Variants in ADCY2 observed in about 807,000 individuals in gnomAD.
ADCY2 encodes the protein adenylate cyclase 2, also known as adenylate cyclase type 2.
A neutral mutation model predicts 125.2 loss-of-function variants in ADCY2; 31 were observed. The ratio of observed to expected loss-of-function variants is 0.25; its 90% CI spans 0.19 to 0.33. ADCY2 has a LOEUF of 0.33. Ranked by LOEUF, ADCY2 falls within the 10% of genes least tolerant of loss-of-function variation. The probability of loss-of-function intolerance (pLI) is 1.00; values close to 1 mark genes in which losing one functional copy is unlikely to be tolerated. For missense variants in ADCY2, 904 were observed against 1,418.2 expected (o/e 0.64, Z 5.82); for synonymous variants, 512 against 548.4 (o/e 0.93, Z 0.93).
At chr5:7,609,846 G>A (rs1737511254) in intron 3 of ADCY2, among the ~76,000 whole-genome samples, 1 of 152,150 alleles carries the variant, frequency 6.6e-6, no homozygotes, top group Admixed American at 6.5e-5. Context: ...TGTGCCCAGG[G>A]AGCCCCTGAC....
chr5:7,639,847 T>C (rs568787021), intron 4 of ADCY2, among the ~76,000 whole-genome samples: 11 of 152,202 alleles, frequency 7.2e-5, no homozygotes, highest in Non-Finnish European at 1.6e-4. Context: ...TTCCTCTAGT[T>C]TCTAGTGTGA....
intron 2 of ADCY2, among the ~76,000 whole-genome samples, chr5:7,509,133 CT>C (rs1271138254): frequency 2.7e-4 from 41 of 152,318 alleles, no homozygotes; most frequent in African/African-American, 9.6e-4. Flanking sequence ...GGGCTTCACT[CT>C]GGAAGACTTC....
At chr5:7,566,809 C>T (rs938274936) in intron 3 of ADCY2, among the ~76,000 whole-genome samples, 1 of 152,116 alleles carries the variant, frequency 6.6e-6, no homozygotes, top group Non-Finnish European at 1.5e-5. Flanking sequence ...CTGGGATTTT[C>T]CCAGTCAAAT....
intron 4 of ADCY2, among the ~76,000 whole-genome samples, chr5:7,639,606 C>T (rs752829300): frequency 5.9e-5 from 9 of 152,200 alleles, no homozygotes; most frequent in Non-Finnish European, 1.3e-4. Context: ...TAAATCTCTC[C>T]GTCTATCTTT....
intron 2 of ADCY2, 85 bp from the exon 3 acceptor site, chr5:7,520,653 T>C: frequency 6.8e-7 from 1 of 1,474,214 alleles, no homozygotes; most frequent in Non-Finnish European, 9.4e-7. Flanking sequence ...TGCTGTTCTA[T>C]GCAGCCTTTA....
At chr5:7,658,714 A>G (rs1449764825) in intron 4 of ADCY2, among the ~76,000 whole-genome samples, 3 of 152,202 alleles carry the variant, frequency 2.0e-5, no homozygotes, top group Non-Finnish European at 4.4e-5. Context: ...GTGTGTGTCT[A>G]TGGAAAGACA....
intron 8 of ADCY2, 48 bp downstream of exon 8, chr5:7,706,950 G>A: frequency 6.2e-7 from 1 of 1,606,792 alleles, no homozygotes; most frequent in Non-Finnish European, 8.5e-7. Context: ...AGAACTATTA[G>A]GAATGACAGA....
At chr5:7,556,938 G>C (rs1413364449) in intron 3 of ADCY2, among the ~76,000 whole-genome samples, 2 of 151,788 alleles carry the variant, frequency 1.3e-5, no homozygotes, top group African/African-American at 4.8e-5. Flanking sequence ...AAAAAGAGTG[G>C]GTTCTGCTGC....
intron 1 of ADCY2, among the ~76,000 whole-genome samples, chr5:7,410,253 T>C (rs1329650027): frequency 2.6e-5 from 4 of 152,156 alleles, no homozygotes; most frequent in Non-Finnish European, 5.9e-5. Context: ...TAAAATATAA[T>C]TTTTTTAATT....
chr5:7,496,906 C>T (rs895816377), intron 2 of ADCY2, among the ~76,000 whole-genome samples: 13 of 152,012 alleles, frequency 8.6e-5, no homozygotes, highest in Admixed American at 2.6e-4. Context: ...AAGCAATGGT[C>T]AGAATTTCCT....
chr5:7,601,934 C>T (rs996500696), intron 3 of ADCY2, among the ~76,000 whole-genome samples: 1 of 152,178 alleles, frequency 6.6e-6, no homozygotes, highest in African/African-American at 2.4e-5. Context: ...AGGGTGTCAG[C>T]AGGGCCATGT....
At chr5:7,450,296 C>T (rs556490994) in intron 2 of ADCY2, among the ~76,000 whole-genome samples, 5 of 152,252 alleles carry the variant, frequency 3.3e-5, no homozygotes, top group East Asian at 3.9e-4. Context: ...CTAGTGAACA[C>T]GCAAATGGCA....
At chr5:7,601,166 G>C (rs1288129495) in intron 3 of ADCY2, among the ~76,000 whole-genome samples, 1 of 152,138 alleles carries the variant, frequency 6.6e-6, no homozygotes, top group Non-Finnish European at 1.5e-5. Flanking sequence ...GGAGCCACGT[G>C]GTCAAAGCCT....
chr5:7,396,617 TCGGCCC>T lies in ADCY2; in HGVS notation c.210+112_210+117del. ...CTGCCCCTCGGCCCGCGGCAGCCCC[TCGGCCC>T]GCGGCAGCCCCTCGGCCCGCGGCTC... On this transcript the variant is annotated intron_variant, in intron 1 of 24. Transcript: ENST00000338316. The surrounding 1 kb of genome is among the most constrained non-coding windows in gnomAD (Gnocchi z 5.7). 1.3e-6 allele frequency: 1 copy of T among 773,376 alleles called. No individual in the cohort carries two copies. Among genetic ancestry groups the T allele is most frequent in the Non-Finnish European group, 1.7e-6 (1 of 573,360 alleles). The allele number at this position is 773,376 out of a possible 1,614,324, so 47.9% of individuals were successfully genotyped here.
At chr5:7,411,797 C>T (rs1739727498) in intron 1 of ADCY2, among the ~76,000 whole-genome samples, 1 of 152,108 alleles carries the variant, frequency 6.6e-6, no homozygotes, top group African/African-American at 2.4e-5. Flanking sequence ...GAAGCACGGC[C>T]GGGCGCGGTG....
intron 1 of ADCY2, among the ~76,000 whole-genome samples, chr5:7,399,762 A>G (rs1039012308): frequency 6.6e-6 from 1 of 152,108 alleles, no homozygotes; most frequent in African/African-American, 2.4e-5. Context: ...CTGATTTATA[A>G]TTTTTTCACC....
intron 4 of ADCY2, among the ~76,000 whole-genome samples, chr5:7,652,212 A>T (rs1739120855): frequency 6.6e-6 from 1 of 152,242 alleles, no homozygotes; most frequent in African/African-American, 2.4e-5. Flanking sequence ...TATGAACAGT[A>T]CAAGTTTTAA....
chr5:7,552,787 A>AT (rs376277497), intron 3 of ADCY2, among the ~76,000 whole-genome samples: 7 of 152,100 alleles, frequency 4.6e-5, no homozygotes, highest in African/African-American at 1.2e-4. Flanking sequence ...AAAAGGCTAT[A>AT]TTTTTTCTTA....
At chr5:7,689,620 T>G (rs912508760) in intron 4 of ADCY2, among the ~76,000 whole-genome samples, 1 of 152,094 alleles carries the variant, frequency 6.6e-6, no homozygotes, top group African/African-American at 2.4e-5. Context: ...CAAAGCGATG[T>G]GCACTAGGAG....
Sources: gnomAD v4.1 joint callset for allele counts (sites outside exome capture counted in the v4.1 genomes callset) on GRCh38, gnomAD v4.1.1 for gene constraint, Gnocchi (gnomAD v3.1) non-coding constraint, MANE v1.5 for transcripts, NCBI Gene and HGNC (gene_info 2026-07-23, HGNC 2026-07-21) for gene names.